The following AXIN1 variants were observed in gnomAD, a reference collection of about 807,000 sequenced individuals.
AXIN1 encodes the protein axin-1.
A neutral mutation model predicts 76.4 loss-of-function variants in AXIN1; 30 were observed. That is an observed-to-expected ratio of 0.39 (90% confidence interval 0.29 to 0.53). The LOEUF (loss-of-function observed/expected upper bound fraction) is 0.53. Ranked by LOEUF, AXIN1 falls within the 20% of genes least tolerant of loss-of-function variation. The probability of loss-of-function intolerance (pLI) is 0.66; values close to 1 mark genes in which losing one functional copy is unlikely to be tolerated. For synonymous variants in AXIN1, 545 were observed against 501.4 expected (o/e 1.09, Z -1.16); for missense variants, 1,140 against 1,198.8 (o/e 0.95, Z 0.72).
chr16:304,178 G>C lies in AXIN1; in HGVS notation c.1254+126C>G, dbSNP rs551950356. The C allele has an allele frequency of 2.7e-6, 4 of 1,505,816 alleles. No individual in the cohort carries two copies. The Admixed American group carries it at 5.1e-5, about 19-fold the overall frequency. 93.3% of individuals were successfully genotyped at this position (1,505,816 alleles called of 1,614,324 possible). ...AAAGGGGAACAGGGGACTCAGCCGG[G>C]AGGCCTCATGGGTCAGCAGGCCTCG... is the stretch of plus-strand genomic sequence containing the variant. On this transcript the variant is annotated intron_variant, in intron 5 of 10. Coordinates refer to ENST00000262320, the MANE Select transcript of AXIN1 (RefSeq NM_003502.4).
At chr16:299,129 T>C in intron 5 of AXIN1, 1 of 985,462 alleles carries the variant, frequency 1.0e-6, no homozygotes, top group Non-Finnish European at 1.2e-6. Context: ...CATGTTGTGA[T>C]GCTGCCTGAC....
chr16:332,063 C>T lies in AXIN1; in HGVS notation c.878+14085G>A, dbSNP rs1016379421. Among the ~76,000 whole-genome samples, 9 of 152,130 alleles carry T rather than the reference C, an allele frequency of 5.9e-5. No individual in the cohort carries two copies. In the East Asian group the frequency reaches 9.6e-4, roughly 16 times the overall value. On this transcript the variant is annotated intron_variant, in intron 2 of 10. Transcript: ENST00000262320. The stretch of plus-strand genomic sequence containing the variant: ...ACTCCCACACCTCGTTAGGGGCTCG[C>T]GGATGGCCTGACGCCTGACACAGGC...
rs1177783893 is a variant in AXIN1 at position 291,287 on chromosome 16, C to A, written c.2197G>T (p.Glu733Ter). Reference sequence around the variant, plus strand: ...CAGGCGCGTCCCCGCCGCATAACCTCCTGCACATACCTAGGGAACAACCCG... The same window carrying A: ...CAGGCGCGTCCCCGCCGCATAACCTACTGCACATACCTAGGGAACAACCCG... ...RAPSKQRYVQEVMRRGRACVR... is the reference protein window; with the variant it reads ...RAPSKQRYVQ The change falls in exon 9 of 11, where the codon GAG (glutamate) becomes TAG (stop). Residue 733 changes from glutamate to a stop codon, truncating the protein, a stop_gained. Coordinates refer to ENST00000262320, the MANE Select transcript of AXIN1 (RefSeq NM_003502.4). LOFTEE classifies it high-confidence loss of function. 4.4e-6 allele frequency: 7 copies of A among 1,577,718 alleles called. No homozygotes were observed. Among genetic ancestry groups the A allele is most frequent in the Middle Eastern group, 1.7e-4 (1 of 6,010 alleles).
chr16:318,067 G>A (rs923605909), intron 2 of AXIN1, among the ~76,000 whole-genome samples: 2 of 152,164 alleles, frequency 1.3e-5, no homozygotes, highest in African/African-American at 2.4e-5. Flanking sequence ...TGTAGCCCAC[G>A]GCACATGGCG....
At chr16:342,238 A>C (rs545279084) in intron 2 of AXIN1, among the ~76,000 whole-genome samples, 1 of 152,124 alleles carries the variant, frequency 6.6e-6, no homozygotes, top group Non-Finnish European at 1.5e-5. Context: ...GAGACCACGA[A>C]CCCACCAGAA....
At position 288,230 on chromosome 16, in the gene AXIN1, C is replaced by T. The variant is rs969813363; in HGVS notation, c.2481G>A (p.Val827=). ...KGSYRYYFKK[V]SDEFDCGVVF... is the part of the protein sequence containing the mutation. ...CCACCCCACAGTCAAACTCGTCGCT[C>T]ACTTTCTTGAAGTAGTATCTGCAGG... Residue 827 remains valine, a synonymous_variant, in exon 11 of 11, where the codon GTG becomes GTA. Transcript: ENST00000262320. 1 of 1,613,548 alleles carries T rather than the reference C, an allele frequency of 6.2e-7. No homozygotes were observed. The highest frequency in any genetic ancestry group is 1.3e-5 in the African/African-American group (1 of 74,934).
rs970623350 is a variant in AXIN1 at position 337,609 on chromosome 16, C to T, written c.878+8539G>A. Among the ~76,000 whole-genome samples, 108 of 152,278 alleles carry T rather than the reference C, an allele frequency of 7.1e-4. 1 individual carries two copies. The highest frequency in any genetic ancestry group is 5.8e-3 in the Admixed American group (88 of 15,298). ...CCACTGCAGCTCACAGTGAGGACAG[C>T]GCCTGCCAGGACACCCGGACGCCCA... On this transcript the variant is annotated intron_variant, in intron 2 of 10. Coordinates refer to ENST00000262320, the MANE Select transcript of AXIN1 (RefSeq NM_003502.4).
intron 2 of AXIN1, among the ~76,000 whole-genome samples, chr16:323,694 T>C (rs2141629553): frequency 6.6e-6 from 1 of 151,226 alleles, no homozygotes. Context: ...GGCAGGAGAA[T>C]TATGTGAACC....
intron 2 of AXIN1, among the ~76,000 whole-genome samples, chr16:320,861 T>C (rs941952323): frequency 6.6e-6 from 1 of 151,430 alleles, no homozygotes; most frequent in Non-Finnish European, 1.5e-5. Context: ...TGCCTCAGCC[T>C]CCCGAGTAGC....
intron 2 of AXIN1, among the ~76,000 whole-genome samples, chr16:332,759 AG>A (rs1234626924): frequency 1.3e-5 from 2 of 152,080 alleles, no homozygotes; most frequent in African/African-American, 4.8e-5. Context: ...CACAACAAAA[AG>A]AAATGCAAAA....
In AXIN1 at chr16:293,455, C is replaced by T. The variant is rs1272749698; in HGVS notation, c.2186+33G>A. 6.3e-7 allele frequency: 1 copy of T among 1,598,646 alleles called. No individual in the cohort carries two copies. The highest frequency in any genetic ancestry group is 8.5e-7 in the Non-Finnish European group (1 of 1,173,908). Reference sequence around the variant, plus strand: ...CCAGGAGTGGTGCTGTGGTAACCCCCAAGACCCACCCCACCCCACGACGCG... The same window carrying T: ...CCAGGAGTGGTGCTGTGGTAACCCCTAAGACCCACCCCACCCCACGACGCG... On this transcript the variant is annotated intron_variant, in intron 8 of 10. Transcript: ENST00000262320. The surrounding 1 kb of genome is among the most constrained non-coding windows in gnomAD (Gnocchi z 4.6).
At chr16:289,746 C>T (rs978874170) in intron 9 of AXIN1, 139 bp from the exon 10 acceptor site, 18 of 1,008,768 alleles carry the variant, frequency 1.8e-5, no homozygotes, top group Non-Finnish European at 2.4e-5. Context: ...ACCTGGGGCC[C>T]GCAGCCCCCG....
intron 9 of AXIN1, 110 bp from the exon 10 acceptor site, chr16:289,717 A>ACCCCT: frequency 9.4e-6 from 13 of 1,384,198 alleles, no homozygotes; most frequent in Non-Finnish European, 1.3e-5. Context: ...TGCAGGGGTG[A>ACCCCT]GCAGCACCCC....
rs995318082 is a variant in AXIN1, at chr16:304,352, C to T, written c.1206G>A (p.Thr402=). Residue 402 remains threonine (T), a synonymous_variant, in exon 5 of 11, where the codon ACG becomes ACA. Coordinates refer to ENST00000262320, the MANE Select transcript of AXIN1 (RefSeq NM_003502.4). The part of the protein sequence containing the change: ...LIHRLEAVQR[T]REAEEKLEER... ...CCTCCAGCTTCTCCTCGGCCTCCCG[C>T]GTGCGCTGCACAGCCTCCAGGCGGT... The T allele has an allele frequency of 1.6e-5, 26 of 1,612,476 alleles. No individual in the cohort carries two copies. The highest frequency in any genetic ancestry group is 8.3e-5 in the Admixed American group (5 of 59,996).
chr16:291,040 T>A, intron 9 of AXIN1, 150 bp downstream of exon 9: 3 of 743,494 alleles, frequency 4.0e-6, no homozygotes, highest in Non-Finnish European at 4.8e-6. Flanking sequence ...CAGCTTCGAG[T>A]CTGATGCCAC....
chr16:294,838 G>A (rs1294499741), intron 7 of AXIN1, among the ~76,000 whole-genome samples: 10 of 151,152 alleles, frequency 6.6e-5, no homozygotes, highest in South Asian at 2.1e-4. Flanking sequence ...TGAGGAGGGC[G>A]GATCACGAGG....
chr16:350,260 A>C (rs1226592943), intron 1 of AXIN1, among the ~76,000 whole-genome samples: 2 of 152,138 alleles, frequency 1.3e-5, no homozygotes, highest in African/African-American at 4.8e-5. Context: ...CAATTCCTGA[A>C]ATCTCTGGGT....
At chr16:323,778 A>C (rs981376409) in intron 2 of AXIN1, among the ~76,000 whole-genome samples, 7 of 148,498 alleles carry the variant, frequency 4.7e-5, no homozygotes, top group African/African-American at 1.7e-4. Flanking sequence ...AGACTCCACC[A>C]CACACACACA....
At chr16:324,646 T>C (rs11860461) in intron 2 of AXIN1, among the ~76,000 whole-genome samples, 16,654 of 152,242 alleles carry the variant, frequency 0.11, 1,050 homozygotes, top group African/African-American at 0.17. Context: ...CAGACACACT[T>C]ACTTGATCCC....
Sources: gnomAD v4.1 joint callset for allele counts (sites outside exome capture counted in the v4.1 genomes callset) on GRCh38, gnomAD v4.1.1 for gene constraint, Gnocchi (gnomAD v3.1) non-coding constraint, MANE v1.5 for transcripts, NCBI Gene and HGNC (gene_info 2026-07-23, HGNC 2026-07-21) for gene names.